Variants in PDE12 observed in about 807,000 individuals in gnomAD.
The protein encoded by PDE12 is phosphodiesterase 12.
PDE12 carries 26 observed loss-of-function variants against 45.4 expected under a neutral mutation model. That is an observed-to-expected ratio of 0.57 (90% CI 0.42 to 0.79). PDE12 has a LOEUF of 0.79. PDE12 is among the 30% of genes least tolerant of loss of function. The pLI is 0.00. For synonymous variants in PDE12, 283 were observed against 323.9 expected, an observed-to-expected ratio of 0.87 and a Z score of 1.36; for missense variants, 668 against 790.0, an observed-to-expected ratio of 0.85 and a Z score of 1.85.
chr3:57,653,406 G>A, the PDE12 span, among the ~76,000 whole-genome samples: 1 of 152,082 alleles, frequency 6.6e-6, no homozygotes, highest in African/African-American at 2.4e-5. Context: ...TGGGTGGGAG[G>A]TAAGTTTTTA....
the PDE12 span, chr3:57,600,026 T>G: frequency 6.6e-6 from 1 of 151,614 alleles, no homozygotes; most frequent in Non-Finnish European, 1.5e-5. Flanking sequence ...TATACTACCT[T>G]CTTACATTTA....
the PDE12 span, among the ~76,000 whole-genome samples, chr3:57,605,512 T>G: frequency 1.3e-5 from 2 of 152,134 alleles, no homozygotes; most frequent in Admixed American, 6.6e-5. Flanking sequence ...TGATGAAGAA[T>G]AATTAATTCT....
the PDE12 span, among the ~76,000 whole-genome samples, chr3:57,622,401 C>A: frequency 6.6e-6 from 1 of 152,138 alleles, no homozygotes; most frequent in African/African-American, 2.4e-5. Flanking sequence ...ATTAGAATGG[C>A]TGACATTAAA....
At chr3:57,587,362 CAAAGAAAAGAATT>C in the PDE12 span, among the ~76,000 whole-genome samples, 4 of 137,900 alleles carry the variant, frequency 2.9e-5, no homozygotes, top group African/African-American at 1.1e-4. Flanking sequence ...AAAATACTGA[CAAAGAAAAGAATT>C]GAAGAAATCC....
the PDE12 span, chr3:57,634,860 C>T: frequency 4.8e-6 from 5 of 1,044,960 alleles, no homozygotes; most frequent in East Asian, 1.4e-4. Flanking sequence ...CTGTTTATTA[C>T]TTAAGTATGT....
At position 57,559,755 on chromosome 3, in the gene PDE12, G is replaced by C; in HGVS notation, c.1581G>C (p.Glu527Asp). ...AAGACTGGGCTTCCAATGGGGAGGA[G>C]GAAAGATGCAATATGTCTCTTACAC... is the stretch of plus-strand genomic sequence containing the variant. ...DHEDWASNGE[E>D]ERCNMSLTHF... Residue 527 changes from glutamate (E) to aspartate (D), a missense_variant, in exon 3 of 3, where the codon GAG becomes GAC. Glu to Asp is a conservative substitution (Grantham distance 45, BLOSUM62 2). Coordinates refer to ENST00000311180, the MANE Select transcript of PDE12 (RefSeq NM_177966.7). 6.2e-7 allele frequency: 1 copy of C among 1,614,160 alleles called. No individual in the cohort carries two copies. The highest frequency in any genetic ancestry group is 8.5e-7 in the Non-Finnish European group (1 of 1,180,030).
intron 1 of PDE12, among the ~76,000 whole-genome samples, chr3:57,558,915 C>T (rs558492444): frequency 2.8e-4 from 42 of 152,026 alleles, no homozygotes; most frequent in African/African-American, 9.9e-4. Context: ...AACGTTAGTT[C>T]GCCATTAGTC....
At chr3:57,625,730 C>A in the PDE12 span, 1 of 152,212 alleles carries the variant, frequency 6.6e-6, no homozygotes, top group African/African-American at 2.4e-5. Context: ...ATCATTTTTA[C>A]AAGTACATAG....
chr3:57,559,546 T>C lies in PDE12; in HGVS notation c.1388-16T>C. ...ACTTTAAAAAATACTTACATTAATGTTTTTTATATTCATAGGTGGGTATAT... is the reference window on the plus strand; with the variant it reads ...ACTTTAAAAAATACTTACATTAATGCTTTTTATATTCATAGGTGGGTATAT... On this transcript the variant is annotated splice_polypyrimidine_tract_variant and intron_variant, in intron 2 of 2. Coordinates refer to ENST00000311180, the MANE Select transcript of PDE12 (RefSeq NM_177966.7). 3 of 1,579,132 alleles carry C rather than the reference T, an allele frequency of 1.9e-6. No homozygotes were observed. Among genetic ancestry groups the C allele is most frequent in the Non-Finnish European group, 2.6e-6 (3 of 1,165,134 alleles).
chr3:57,557,872 C>T (rs2069684013), intron 1 of PDE12, among the ~76,000 whole-genome samples, 185 bp downstream of exon 1: 1 of 152,178 alleles, frequency 6.6e-6, no homozygotes, highest in African/African-American at 2.4e-5. Context: ...TTGAACACCT[C>T]TGGTGTGCCT....
the PDE12 span, chr3:57,584,116 T>TA: frequency 1.3e-6 from 1 of 797,746 alleles, no homozygotes; most frequent in African/African-American, 1.8e-5. Flanking sequence ...TTTTTATTTT[T>TA]AAAAAATATA....
At chr3:57,634,716 C>A in the PDE12 span, 1 of 1,565,286 alleles carries the variant, frequency 6.4e-7, no homozygotes, top group Non-Finnish European at 8.7e-7. Context: ...GGTTTGGAAT[C>A]CAGAGTCTTT....
chr3:57,603,681 G>A, the PDE12 span, among the ~76,000 whole-genome samples: 1 of 149,908 alleles, frequency 6.7e-6, no homozygotes, highest in Admixed American at 6.7e-5. Flanking sequence ...GGAGTGCAAT[G>A]GCGCGATCTC....
the PDE12 span, chr3:57,630,507 G>A: frequency 1.9e-6 from 3 of 1,587,236 alleles, no homozygotes; most frequent in South Asian, 2.4e-5. Flanking sequence ...TCAAAATTTG[G>A]AGACTTTAGG....
the PDE12 span, among the ~76,000 whole-genome samples, chr3:57,623,871 T>C: frequency 6.6e-6 from 1 of 152,274 alleles, no homozygotes; most frequent in East Asian, 1.9e-4. Flanking sequence ...ACAGAAATAG[T>C]ATAATGATGA....
At chr3:57,628,221 A>T in the PDE12 span, 2 of 1,612,704 alleles carry the variant, frequency 1.2e-6, no homozygotes, top group Non-Finnish European at 1.7e-6. Flanking sequence ...ATATCATGTC[A>T]TGCCCGTTTT....
the PDE12 span, among the ~76,000 whole-genome samples, chr3:57,610,097 C>T: frequency 3.3e-5 from 5 of 152,200 alleles, no homozygotes; most frequent in African/African-American, 1.2e-4. Flanking sequence ...AATCAGTAAA[C>T]GTAATCCAGC....
chr3:57,610,687 G>A, the PDE12 span, among the ~76,000 whole-genome samples: 2 of 152,048 alleles, frequency 1.3e-5, no homozygotes, highest in Non-Finnish European at 2.9e-5. Context: ...AGGGATGTGA[G>A]GGACCTCTTC....
chr3:57,638,460 C>A, the PDE12 span, among the ~76,000 whole-genome samples: 8 of 151,636 alleles, frequency 5.3e-5, no homozygotes, highest in African/African-American at 1.9e-4. Flanking sequence ...GAGTTCGAGA[C>A]CAGCCTGGCC....
Sources: gnomAD v4.1 joint callset for allele counts (sites outside exome capture counted in the v4.1 genomes callset) on GRCh38, gnomAD v4.1.1 for gene constraint, MANE v1.5 for transcripts, NCBI Gene and HGNC (gene_info 2026-07-23, HGNC 2026-07-21) for gene names.